Variants in HCRTR2 observed in about 807,000 individuals in gnomAD.
The protein encoded by HCRTR2 is hypocretin receptor 2.
HCRTR2 carries 22 observed loss-of-function variants against 49.0 expected under a neutral mutation model. The observed-to-expected ratio is 0.45, with a 90% CI of 0.32 to 0.64. The LOEUF (loss-of-function observed/expected upper bound fraction) is 0.64. HCRTR2 is among the 30% of genes least tolerant of loss of function. HCRTR2 has a pLI of 0.04. For missense variants in HCRTR2, 491 were observed against 559.4 expected, an observed-to-expected ratio of 0.88 and a Z score of 1.23; for synonymous variants, 236 against 205.3, an observed-to-expected ratio of 1.15 and a Z score of -1.28.
At chr6:55,282,702 G>A (rs1033529920), downstream of HCRTR2, 4 of 399,810 alleles carry the variant, frequency 1.0e-5, no homozygotes, top group African/African-American at 4.8e-5. Flanking sequence ...TTAGTTTCAT[G>A]TATTAAAATG....
intron 3 of HCRTR2, 63 bp from the exon 4 acceptor site, chr6:55,263,644 G>A (rs1351978534): frequency 2.4e-6 from 2 of 831,876 alleles, no homozygotes; most frequent in Non-Finnish European, 4.1e-6. Flanking sequence ...GCATTGACAT[G>A]TATCTTTTTT....
intron 1 of HCRTR2, among the ~76,000 whole-genome samples, chr6:55,138,289 G>A (rs557399306): frequency 6.6e-6 from 1 of 152,234 alleles, no homozygotes; most frequent in East Asian, 1.9e-4. Context: ...TCCATTTTAA[G>A]AAAGATATAG....
At chr6:55,201,034 C>T (rs1290996917) in intron 1 of HCRTR2, among the ~76,000 whole-genome samples, 1 of 151,938 alleles carries the variant, frequency 6.6e-6, no homozygotes, top group African/African-American at 2.4e-5. Flanking sequence ...ATATTGCATA[C>T]ATTCATGGGT....
At chr6:55,189,411 A>G (rs949678044) in intron 1 of HCRTR2, among the ~76,000 whole-genome samples, 5 of 152,246 alleles carry the variant, frequency 3.3e-5, no homozygotes, top group African/African-American at 1.2e-4. Flanking sequence ...CATGAGAGGC[A>G]GTCTGAAGAT....
chr6:55,247,418 A>G (rs1229862577), intron 1 of HCRTR2, among the ~76,000 whole-genome samples: 2 of 152,158 alleles, frequency 1.3e-5, no homozygotes, highest in East Asian at 3.9e-4. Context: ...CTATTAATAA[A>G]TGTTACATAA....
intron 1 of HCRTR2, among the ~76,000 whole-genome samples, chr6:55,148,744 C>G (rs1355233573): frequency 6.6e-6 from 1 of 152,020 alleles, no homozygotes; most frequent in Non-Finnish European, 1.5e-5. Flanking sequence ...CAGATCATGG[C>G]TGGGATTCAG....
intron 1 of HCRTR2, among the ~76,000 whole-genome samples, chr6:55,239,664 G>C (rs1005562626): frequency 6.6e-6 from 1 of 152,038 alleles, no homozygotes; most frequent in Non-Finnish European, 1.5e-5. Context: ...TGAGCAAGTG[G>C]CAATGAGAAA....
chr6:55,201,132 T>C (rs374805459), intron 1 of HCRTR2, among the ~76,000 whole-genome samples: 3 of 152,160 alleles, frequency 2.0e-5, no homozygotes, highest in African/African-American at 7.2e-5. Context: ...ACATCTTTTT[T>C]TCCCTGCCTT....
chr6:55,115,455 A>G (rs1764102617), intron 1 of HCRTR2, among the ~76,000 whole-genome samples: 1 of 147,714 alleles, frequency 6.8e-6, no homozygotes, highest in Admixed American at 7.0e-5. Flanking sequence ...ATATAGTAAT[A>G]TCAAATGCAT....
rs1320623064 is a variant in HCRTR2, at chr6:55,174,662, A to G, written c.75A>G (p.Gln25=). The G allele has an allele frequency of 1.8e-5, 29 of 1,614,064 alleles. No homozygotes were observed. Among genetic ancestry groups the G allele is most frequent in the Non-Finnish European group, 2.3e-5 (27 of 1,179,990 alleles). Reference sequence around the variant, plus strand: ...CTGCTTCGGAGCTGAATGAAACTCAAGAGCCCTTTTTAAACCCCACCGACT... The same window carrying G: ...CTGCTTCGGAGCTGAATGAAACTCAGGAGCCCTTTTTAAACCCCACCGACT... ...WSSASELNET[Q]EPFLNPTDYD... The change falls in exon 1 of 7, where the codon CAA becomes CAG. Residue 25 remains glutamine, a synonymous_variant. Coordinates refer to ENST00000370862, the MANE Select transcript of HCRTR2 (RefSeq NM_001384272.1).
upstream of HCRTR2, among the ~76,000 whole-genome samples, chr6:55,172,458 G>C (rs1242618103): frequency 1.3e-5 from 2 of 152,032 alleles, no homozygotes; most frequent in Non-Finnish European, 2.9e-5. Flanking sequence ...ATCACTAAGA[G>C]TGGAAAAATA....
chr6:55,284,138 T>C (rs1767242636), downstream of HCRTR2, among the ~76,000 whole-genome samples: 1 of 152,118 alleles, frequency 6.6e-6, no homozygotes, highest in Non-Finnish European at 1.5e-5. Flanking sequence ...TAATATGCCT[T>C]AATAGCCAGT....
chr6:55,193,170 G>C lies in HCRTR2; in HGVS notation c.223+18360G>C, dbSNP rs1765350482. 2.6e-5 allele frequency among the ~76,000 whole-genome samples: 4 copies of C among 152,206 alleles called. No homozygotes were observed. In the East Asian group the frequency reaches 7.7e-4, roughly 29 times the overall value. On this transcript the variant is annotated intron_variant, in intron 1 of 6. Transcript: ENST00000370862. The stretch of plus-strand genomic sequence containing the variant: ...GCAAGCACTCTTCTGACATTAGAAG[G>C]AGCAAAGATAAAAAAGATATTATCA...
chr6:55,155,346 T>A (rs1455714360), intron 1 of HCRTR2, among the ~76,000 whole-genome samples: 1 of 152,088 alleles, frequency 6.6e-6, no homozygotes, highest in East Asian at 1.9e-4. Context: ...TGGTTCCTAA[T>A]TTTTACTTGA....
chr6:55,196,526 C>T (rs900573939), intron 1 of HCRTR2, among the ~76,000 whole-genome samples: 1 of 152,122 alleles, frequency 6.6e-6, no homozygotes, highest in Non-Finnish European at 1.5e-5. Flanking sequence ...CTTTCAGAGA[C>T]ACAAAATGAT....
chr6:55,208,574 G>T (rs1765645641), intron 1 of HCRTR2, among the ~76,000 whole-genome samples: 1 of 151,918 alleles, frequency 6.6e-6, no homozygotes, highest in Admixed American at 6.6e-5. Flanking sequence ...GCAAGATTAT[G>T]TCTTTTGATG....
chr6:55,197,806 A>T (rs750250329), intron 1 of HCRTR2, among the ~76,000 whole-genome samples: 4 of 152,086 alleles, frequency 2.6e-5, no homozygotes, highest in Non-Finnish European at 5.9e-5. Context: ...TATTTTTGGC[A>T]GAGATGGGGT....
In HCRTR2 at chr6:55,282,368, A is replaced by G. The variant is rs1275370843; in HGVS notation, c.1249A>G (p.Ile417Val). The change falls in exon 7 of 7, where the codon ATA becomes GTA. Residue 417 changes from isoleucine (I) to valine (V), a missense_variant. By Grantham distance (29) the Ile-to-Val change is conservative. Coordinates refer to ENST00000370862, the MANE Select transcript of HCRTR2 (RefSeq NM_001384272.1). ...CACTCAAATCAGCAACTTTGATAAC[A>G]TATCAAAACTTTCTGAGCAAGTTGT... ...LTTQISNFDN[I>V]SKLSEQVVLT... 6.2e-7 allele frequency: 1 copy of G among 1,613,104 alleles called. No individual in the cohort carries two copies. The highest frequency in any genetic ancestry group is 1.7e-5 in the Admixed American group (1 of 59,916).
intron 1 of HCRTR2, among the ~76,000 whole-genome samples, chr6:55,225,409 T>C (rs1019210749): frequency 6.6e-6 from 1 of 152,136 alleles, no homozygotes; most frequent in Non-Finnish European, 1.5e-5. Context: ...TGAGTTGAAT[T>C]AGTGACTCTA....
Sources: gnomAD v4.1 joint callset for allele counts (sites outside exome capture counted in the v4.1 genomes callset) on GRCh38, gnomAD v4.1.1 for gene constraint, MANE v1.5 for transcripts, NCBI Gene and HGNC (gene_info 2026-07-23, HGNC 2026-07-21) for gene names.